Variants in CCDC57 observed in about 807,000 individuals in gnomAD.
CCDC57 encodes the protein coiled-coil domain-containing protein 57.
Under a neutral mutation model 118.9 loss-of-function variants are expected in CCDC57, and 118 were observed. That is an observed-to-expected ratio of 0.99 (90% CI 0.86 to 1.16). The LOEUF (loss-of-function observed/expected upper bound fraction) is 1.16. Ranked by LOEUF, CCDC57 falls within the 50% of genes most tolerant of loss-of-function variation. The probability of loss-of-function intolerance (pLI) is 0.00; values close to 1 mark genes in which losing one functional copy is unlikely to be tolerated. For missense variants in CCDC57, 1,300 were observed against 1,320.7 expected, an observed-to-expected ratio of 0.98 and a Z score of 0.24; for synonymous variants, 527 against 532.9, an observed-to-expected ratio of 0.99 and a Z score of 0.15.
At chr17:82,194,303 C>T (rs2048033976) in intron 5 of CCDC57, 164 bp from the exon 5 acceptor site, 2 of 638,280 alleles carry the variant, frequency 3.1e-6, no homozygotes, top group Non-Finnish European at 2.4e-6. Flanking sequence ...AAACGAGACT[C>T]AATGACTTTT....
intron 14 of CCDC57, among the ~76,000 whole-genome samples, chr17:82,160,810 G>A (rs1468367390): frequency 6.7e-6 from 1 of 149,902 alleles, no homozygotes; most frequent in Non-Finnish European, 1.5e-5. Context: ...GGAGGCGGAG[G>A]TTGCAGTCAG....
At chr17:82,167,033 C>A (rs1599086346) in intron 13 of CCDC57, among the ~76,000 whole-genome samples, 1 of 151,968 alleles carries the variant, frequency 6.6e-6, no homozygotes, top group East Asian at 1.9e-4. Flanking sequence ...ATGGAAATGA[C>A]AAAAGCAAGC....
At chr17:82,117,863 G>A (rs9916649) in intron 19 of CCDC57, among the ~76,000 whole-genome samples, 80,189 of 151,904 alleles carry the variant, frequency 0.53, 21,949 homozygotes, top group Non-Finnish European at 0.57. Flanking sequence ...GGGTAACAGC[G>A]CTCAGAACTC....
exon 10 of CCDC57, chr17:82,179,147 G>C (rs200731894): frequency 1.2e-6 from 2 of 1,613,958 alleles, no homozygotes; most frequent in African/African-American, 1.3e-5. Context: ...CACGCTCCAG[G>C]CTCCGCTCCC....
At chr17:82,113,110 A>C (rs1348234133) in intron 19 of CCDC57, 3 of 464,824 alleles carry the variant, frequency 6.5e-6, no homozygotes, top group Non-Finnish European at 1.1e-5. Context: ...TGGTTTCGTC[A>C]CTACAATTTC....
At chr17:82,102,233 T>A (rs1222255578) in intron 19 of CCDC57, among the ~76,000 whole-genome samples, 1 of 152,006 alleles carries the variant, frequency 6.6e-6, no homozygotes, top group Non-Finnish European at 1.5e-5. Context: ...CTGGGGTAAA[T>A]GGTTGACTCA....
intron 15 of CCDC57, 138 bp from the exon 15 acceptor site, chr17:82,151,911 A>G: frequency 3.0e-6 from 2 of 672,072 alleles, no homozygotes; most frequent in Non-Finnish European, 5.0e-6. Context: ...CATCCTTCCA[A>G]AAGAAAGACA....
chr17:82,103,345 G>A (rs1031037671), intron 19 of CCDC57, among the ~76,000 whole-genome samples: 2 of 152,092 alleles, frequency 1.3e-5, no homozygotes, highest in African/African-American at 4.8e-5. Flanking sequence ...GGCCCTGGAC[G>A]CTGCCTGCTC....
chr17:82,172,609 C>G lies in CCDC57; in HGVS notation c.1729+29G>C, dbSNP rs144290663. The G allele has an allele frequency of 3.2e-6, 5 of 1,539,638 alleles. No homozygotes were observed. The highest frequency in any genetic ancestry group is 4.9e-5 in the East Asian group (2 of 40,852). On this transcript the variant is annotated intron_variant, in intron 12 of 19. Coordinates refer to ENST00000665763, the Ensembl canonical transcript of CCDC57. The surrounding 1 kb of genome is among the most constrained non-coding windows in gnomAD (Gnocchi z 5.2). ...TCCCTCCCTCTCCCCCTTCCTCTCC[C>G]GCTCTGTCCGTTTCTCCCACTTACT...
intron 16 of CCDC57, among the ~76,000 whole-genome samples, chr17:82,149,881 T>TGGCGCACACCCAGAACCA (rs1598930452): frequency 8.5e-6 from 1 of 117,064 alleles, no homozygotes; most frequent in Non-Finnish European, 1.8e-5. Flanking sequence ...ACCCAGAACC[T>TGGCGCACACCCAGAACCA]GGCGCACACC....
chr17:82,203,800 C>T (rs1487712720), intron 2 of CCDC57, among the ~76,000 whole-genome samples: 1 of 152,232 alleles, frequency 6.6e-6, no homozygotes, highest in African/African-American at 2.4e-5. Flanking sequence ...CAAGCACAAA[C>T]TTCCGGCCTG....
chr17:82,126,474 A>C, intron 19 of CCDC57: 1 of 976,098 alleles, frequency 1.0e-6, no homozygotes, highest in Non-Finnish European at 1.2e-6. Flanking sequence ...AATCAATAAG[A>C]AAGACCACAA....
chr17:82,150,818 G>A (rs2041870599), intron 16 of CCDC57, among the ~76,000 whole-genome samples: 1 of 113,978 alleles, frequency 8.8e-6, no homozygotes, highest in Non-Finnish European at 1.8e-5. Context: ...CCCAGAACCA[G>A]GCGCACACTC....
At position 82,172,946 on chromosome 17, in the gene CCDC57, C is replaced by T; in HGVS notation, c.1507-86G>A. 1 of 1,258,440 alleles carries T rather than the reference C, an allele frequency of 7.9e-7. No homozygotes were observed. The highest frequency in any genetic ancestry group is 1.5e-5 in the African/African-American group (1 of 67,612). The allele number at this position is 1,258,440 out of a possible 1,614,324, so 78.0% of individuals were successfully genotyped here. Reference sequence around the variant, plus strand: ...AGGCTGTGCCTCCGCTCTCCCCGCGCCCCTCTCGGGCCGGTCCCCCGCTTC... The same window carrying T: ...AGGCTGTGCCTCCGCTCTCCCCGCGTCCCTCTCGGGCCGGTCCCCCGCTTC... On this transcript the variant is annotated intron_variant, in intron 11 of 19. Coordinates refer to ENST00000665763, the Ensembl canonical transcript of CCDC57. This position sits in a 1 kb window ranked among gnomAD's most constrained non-coding sequence, Gnocchi z 5.2.
At chr17:82,149,673 C>T (rs974662736) in intron 16 of CCDC57, among the ~76,000 whole-genome samples, 8 of 152,126 alleles carry the variant, frequency 5.3e-5, no homozygotes, top group African/African-American at 1.4e-4. Flanking sequence ...TGTGCTCCTT[C>T]GGGCCTTCCT....
At chr17:82,154,190 G>C (rs1008535782) in intron 15 of CCDC57, 1 of 152,392 alleles carries the variant, frequency 6.6e-6, no homozygotes, top group Non-Finnish European at 1.5e-5. Context: ...GCCAGGCTGT[G>C]CGGCTCAGCC....
intron 19 of CCDC57, among the ~76,000 whole-genome samples, chr17:82,103,785 C>CG (rs2034640200): frequency 6.6e-6 from 1 of 151,794 alleles, no homozygotes; most frequent in Admixed American, 6.5e-5. Flanking sequence ...GGCTGTATCC[C>CG]GGGGCGAAGC....
intron 19 of CCDC57, chr17:82,105,212 C>G (rs1234251474): frequency 6.6e-6 from 1 of 152,304 alleles, no homozygotes; most frequent in Non-Finnish European, 1.5e-5. Flanking sequence ...GCTCAGGCCT[C>G]AAGTCCATTC....
At chr17:82,146,475 G>A (rs28376857) in intron 16 of CCDC57, among the ~76,000 whole-genome samples, 71,034 of 151,814 alleles carry the variant, frequency 0.47, 17,416 homozygotes, top group East Asian at 0.88. Flanking sequence ...GACCTCCTGC[G>A]CTCAAGCAAT....
Sources: gnomAD v4.1 joint callset for allele counts (sites outside exome capture counted in the v4.1 genomes callset) on GRCh38, gnomAD v4.1.1 for gene constraint, Gnocchi (gnomAD v3.1) non-coding constraint, MANE v1.5 for transcripts, NCBI Gene and HGNC (gene_info 2026-07-23, HGNC 2026-07-21) for gene names.